GDE1: variants seen among roughly 807,000 people sequenced by gnomAD.
The protein encoded by GDE1 is glycerophosphodiester phosphodiesterase 1.
GDE1 carries 24 observed loss-of-function variants against 32.2 expected under a neutral mutation model. The ratio of observed to expected loss-of-function variants is 0.75; its 90% CI spans 0.54 to 1.05. The LOEUF is 1.05. GDE1 is among the 50% of genes least tolerant of loss of function. The probability of loss-of-function intolerance (pLI) is 0.00; values close to 1 mark genes in which losing one functional copy is unlikely to be tolerated. For synonymous variants in GDE1, 159 were observed against 158.6 expected (o/e 1.00, Z -0.02); for missense variants, 380 against 415.0 (o/e 0.92, Z 0.73).
rs1969176791 is a variant in GDE1 at position 19,501,739 on chromosome 16, C to G, written c.*1731G>C. ...TTGTTGTTTATTTTAAAATTCAAGA[C>G]AATTTTTTTGCAAATGCTGATTCAA... On this transcript the variant is annotated 3_prime_UTR_variant, in exon 6 of 6. Coordinates refer to ENST00000353258, the MANE Select transcript of GDE1 (RefSeq NM_016641.4). 2 of 152,304 alleles carry G rather than the reference C, an allele frequency of 1.3e-5. 1 individual carries two copies. Among genetic ancestry groups the G allele is most frequent in the Non-Finnish European group, 2.9e-5 (2 of 68,020 alleles). 9.4% of individuals were successfully genotyped at this position (152,304 alleles called of 1,614,324 possible). A position where few individuals can be genotyped will look rare whatever the true frequency, so the allele number is the denominator to read the frequency against.
Position 19,503,197 on chromosome 16 carries a change from T to A in GDE1, c.*273A>T. The stretch of plus-strand genomic sequence containing the variant: ...AATCTGTGCTTATCCTCACTGGGTC[T>A]CCCTGTGTGCCTCAGCTAGGGCAGG... On this transcript the variant is annotated 3_prime_UTR_variant, in exon 6 of 6. Transcript: ENST00000353258. 2.2e-6 allele frequency: 1 copy of A among 451,418 alleles called. No homozygotes were observed. The highest frequency in any genetic ancestry group is 4.0e-6 in the Non-Finnish European group (1 of 248,374). The allele number at this position is 451,418 out of a possible 1,614,324, so 28.0% of individuals were successfully genotyped here.
intron 1 of GDE1, chr16:19,521,370 T>G: frequency 7.1e-6 from 2 of 283,046 alleles, no homozygotes; most frequent in Non-Finnish European, 1.3e-5. Context: ...TCTCTTAAAG[T>G]TATCTCATTT....
chr16:19,514,234 T>C (rs1198218139), intron 2 of GDE1, among the ~76,000 whole-genome samples: 1 of 152,140 alleles, frequency 6.6e-6, no homozygotes, highest in Non-Finnish European at 1.5e-5. Context: ...ACAGGTTTAT[T>C]ATAAAGTATG....
chr16:19,510,883 G>T lies in GDE1; in HGVS notation c.499C>A (p.His167Asn), dbSNP rs1280203475. 1 of 1,604,800 alleles carries T rather than the reference G, an allele frequency of 6.2e-7. No individual in the cohort carries two copies. Among genetic ancestry groups the T allele is most frequent in the Admixed American group, 1.7e-5 (1 of 59,232 alleles). The change falls in exon 3 of 6, where the codon CAT (histidine) becomes AAT (asparagine). Residue 167 changes from histidine to asparagine, a missense_variant. His to Asn is a moderately conservative substitution (Grantham distance 68). Transcript: ENST00000353258. The stretch of plus-strand genomic sequence containing the variant: ...ACATCAAAGAAGATTGTGAGGTTAT[G>T]GTTTAGGCACTCTGCAACAGCTTCC... ...LREAVAECLN[H>N]NLTIFFDVKG...
At position 19,517,179 on chromosome 16, in the gene GDE1, T is replaced by C. The variant is rs1969392625; in HGVS notation, c.272A>G (p.Asn91Ser). The C allele has an allele frequency of 1.2e-6, 2 of 1,613,126 alleles. No individual in the cohort carries two copies. The highest frequency in any genetic ancestry group is 1.7e-6 in the Non-Finnish European group (2 of 1,179,304). Residue 91 changes from asparagine to serine, a missense_variant, in exon 2 of 6, where the codon AAT (asparagine) becomes AGT (serine). Asn to Ser is a conservative substitution (Grantham distance 46). Transcript: ENST00000353258. ...GTCCAACTCCACGCCTGTTGCTCCATTCTTAGCTGCCTTAACAAAAACATC... is the reference window on the plus strand; with the variant it reads ...GTCCAACTCCACGCCTGTTGCTCCACTCTTAGCTGCCTTAACAAAAACATC... Reference protein sequence around the residue: ...TLAAIRQAAKNGATGVELDIE... With the variant: ...TLAAIRQAAKSGATGVELDIE...
chr16:19,504,830 AAG>A (rs777977948), intron 5 of GDE1, 49 bp downstream of exon 5: 57 of 1,146,460 alleles, frequency 5.0e-5, no homozygotes, highest in Non-Finnish European at 6.8e-5. Context: ...CCTTTCAAAT[AAG>A]AGCATTCAGG....
chr16:19,505,146 T>TATTA (rs1969230954), intron 4 of GDE1, 54 bp from the exon 5 acceptor site: 3 of 1,247,760 alleles, frequency 2.4e-6, no homozygotes, highest in Non-Finnish European at 3.5e-6. Flanking sequence ...GTTGAATACT[T>TATTA]ATTAGTTTAG....
rs1969229639 is a variant in GDE1 at position 19,505,087 on chromosome 16, T to G, written c.642A>C (p.Arg214Ser). ...SFLPEVIYKM[R>S]QTDRDVITAL... ...CTGTTATTACATCCCGATCTGTTTG[T>G]CTCATCTGCAAAGGAATTTGGGGAA... The change falls in exon 5 of 6, where the codon AGA becomes AGC. Residue 214 changes from arginine to serine, a missense_variant. By Grantham distance (110) the Arg-to-Ser change is moderately radical. Transcript: ENST00000353258. The G allele has an allele frequency of 6.2e-7, 1 of 1,602,162 alleles. No homozygotes were observed. Among genetic ancestry groups the G allele is most frequent in the Non-Finnish European group, 8.6e-7 (1 of 1,169,216 alleles).
At position 19,503,595 on chromosome 16, in the gene GDE1, C is replaced by G; in HGVS notation, c.871G>C (p.Ala291Pro). Residue 291 changes from alanine (A) to proline (P), a missense_variant, in exon 6 of 6, where the codon GCT becomes CCT. Physicochemically the swap from Ala to Pro is conservative, Grantham distance 27. Coordinates refer to ENST00000353258, the MANE Select transcript of GDE1 (RefSeq NM_016641.4). Reference protein sequence around the residue: ...VSPAYLKKWSAKGIQVVGWTV... With the variant: ...VSPAYLKKWSPKGIQVVGWTV... ...CAACCAACAACCTGGATTCCTTTAG[C>G]TGACCACTTCTTCAAGTAGGCCCTG... is the stretch of plus-strand genomic sequence containing the variant. 5 of 1,613,736 alleles carry G rather than the reference C, an allele frequency of 3.1e-6. No homozygotes were observed. The highest frequency in any genetic ancestry group is 4.2e-6 in the Non-Finnish European group (5 of 1,179,646).
chr16:19,514,005 A>C (rs113068031), intron 2 of GDE1, among the ~76,000 whole-genome samples: 2 of 152,368 alleles, frequency 1.3e-5, no homozygotes, highest in African/African-American at 4.8e-5. Context: ...ATTGAAGCAC[A>C]CAGACACCTG....
intron 2 of GDE1, among the ~76,000 whole-genome samples, chr16:19,512,312 C>T (rs1969327484): frequency 6.6e-6 from 1 of 151,794 alleles, no homozygotes; most frequent in Admixed American, 6.6e-5. Flanking sequence ...TTGCATTTCC[C>T]TAATAATTTG....
chr16:19,512,966 TGTCA>T (rs1012292274), intron 2 of GDE1, among the ~76,000 whole-genome samples: 1 of 151,338 alleles, frequency 6.6e-6, no homozygotes, highest in Non-Finnish European at 1.5e-5. Flanking sequence ...TGTGTGTGTG[TGTCA>T]GTATTTATAC....
intron 3 of GDE1, among the ~76,000 whole-genome samples, chr16:19,509,997 T>TA (rs552358008): frequency 5.2e-4 from 77 of 148,006 alleles, no homozygotes; most frequent in African/African-American, 1.3e-3. Context: ...TGGGATTAAT[T>TA]AAAAAAAAAA....
rs1969309838 is a variant in GDE1, at chr16:19,510,895, C to T, written c.487G>A (p.Glu163Lys). ...KIPTLREAVA[E>K]CLNHNLTIFF... is the part of the protein sequence containing the mutation. ...ATTGTGAGGTTATGGTTTAGGCACT[C>T]TGCAACAGCTTCCCTTAGGGTAGGG... The change falls in exon 3 of 6, where the codon GAG becomes AAG. Residue 163 changes from glutamate (E) to lysine (K), a missense_variant. Physicochemically the swap from Glu to Lys is moderately conservative, Grantham distance 56. Transcript: ENST00000353258. The T allele has an allele frequency of 6.2e-7, 1 of 1,605,082 alleles. No homozygotes were observed. Among genetic ancestry groups the T allele is most frequent in the Non-Finnish European group, 8.5e-7 (1 of 1,173,708 alleles).
intron 4 of GDE1, among the ~76,000 whole-genome samples, chr16:19,507,208 T>G (rs1304749058): frequency 6.6e-6 from 1 of 151,918 alleles, no homozygotes; most frequent in Admixed American, 6.6e-5. Context: ...TTAAAGATTC[T>G]TAATGCAATT....
chr16:19,519,623 T>C (rs1969424556), intron 1 of GDE1, among the ~76,000 whole-genome samples: 1 of 152,170 alleles, frequency 6.6e-6, no homozygotes, highest in African/African-American at 2.4e-5. Context: ...ATATCTCCTA[T>C]ATATACTAAT....
rs1454301923 is a variant in GDE1 at position 19,503,601 on chromosome 16, A to G, written c.865T>C (p.Trp289Arg). ...DFVSPAYLKK[W>R]SAKGIQVVGW... ...ACAACCTGGATTCCTTTAGCTGACCACTTCTTCAAGTAGGCCCTGGGGAAA... is the reference window on the plus strand; with the variant it reads ...ACAACCTGGATTCCTTTAGCTGACCGCTTCTTCAAGTAGGCCCTGGGGAAA... Residue 289 changes from tryptophan (W) to arginine (R), a missense_variant, in exon 6 of 6, where the codon TGG (tryptophan) becomes CGG (arginine). Coordinates refer to ENST00000353258, the MANE Select transcript of GDE1 (RefSeq NM_016641.4). The G allele has an allele frequency of 6.2e-7, 1 of 1,613,822 alleles. No individual in the cohort carries two copies.
In GDE1 at chr16:19,513,973, C is replaced by T. The variant is rs117178630; in HGVS notation, c.438-3029G>A. Among the ~76,000 whole-genome samples, 1,163 of 152,264 alleles carry T rather than the reference C, an allele frequency of 7.6e-3. 13 individuals carry two copies. The highest frequency in any genetic ancestry group is 0.031 in the Middle Eastern group (9 of 294). On this transcript the variant is annotated intron_variant, in intron 2 of 5. Transcript: ENST00000353258. ...CTGGTGACAAGTGAGCATTGAAAAC[C>T]CAAGACTCGTAGATGAGAAGAATTG...
intron 1 of GDE1, among the ~76,000 whole-genome samples, chr16:19,518,822 T>G (rs954236106): frequency 6.6e-6 from 1 of 152,190 alleles, no homozygotes; most frequent in African/African-American, 2.4e-5. Context: ...GGTGGAGATT[T>G]TTCTGCTTTA....
Sources: allele counts gnomAD v4.1 joint callset (sites outside exome capture counted in the v4.1 genomes callset), GRCh38; gene constraint gnomAD v4.1.1; transcripts MANE v1.5; gene names NCBI Gene and HGNC (gene_info 2026-07-23, HGNC 2026-07-21).